SCAPER: variants seen among roughly 807,000 people sequenced by gnomAD.
SCAPER encodes the protein S-phase cyclin A associated protein in the ER, also known as S phase cyclin A-associated protein in the endoplasmic reticulum.
Under a neutral mutation model 182.2 loss-of-function variants are expected in SCAPER, and 98 were observed. The ratio of observed to expected loss-of-function variants is 0.54; its 90% confidence interval spans 0.46 to 0.64. The LOEUF (loss-of-function observed/expected upper bound fraction) is 0.64, where lower values mean the gene tolerates loss of function less well. SCAPER is among the 30% of genes least tolerant of loss of function. The pLI, the probability that SCAPER is intolerant of heterozygous loss-of-function variation, is 0.00. For missense variants in SCAPER, 1,432 were observed against 1,690.0 expected, an observed-to-expected ratio of 0.85 and a Z score of 2.68; for synonymous variants, 605 against 564.6, an observed-to-expected ratio of 1.07 and a Z score of -1.01.
At chr15:76,352,625 G>A (rs2040651939) in intron 30 of SCAPER, among the ~76,000 whole-genome samples, 1 of 151,650 alleles carries the variant, frequency 6.6e-6, no homozygotes, top group Non-Finnish European at 1.5e-5. Flanking sequence ...GGGATTACAG[G>A]TGCCCACAGA....
chr15:76,441,220 C>T (rs1186192851), intron 25 of SCAPER, among the ~76,000 whole-genome samples: 1 of 152,076 alleles, frequency 6.6e-6, no homozygotes, highest in Non-Finnish European at 1.5e-5. Flanking sequence ...CGTGCCCAGC[C>T]TATTCTCCTT....
intron 23 of SCAPER, among the ~76,000 whole-genome samples, chr15:76,549,664 T>C (rs779136849): frequency 1.8e-4 from 27 of 151,978 alleles, no homozygotes; most frequent in Non-Finnish European, 3.7e-4. Context: ...AGTTAATGGG[T>C]GCAGCACACC....
intron 9 of SCAPER, 116 bp from the exon 10 acceptor site, chr15:76,772,070 T>C: frequency 2.8e-6 from 2 of 713,864 alleles, no homozygotes; most frequent in Non-Finnish European, 4.6e-6. Context: ...GGTACTTGAC[T>C]GGATGACAGA....
chr15:76,445,658 G>A (rs1296558172), intron 25 of SCAPER, among the ~76,000 whole-genome samples: 1 of 152,110 alleles, frequency 6.6e-6, no homozygotes, highest in African/African-American at 2.4e-5. Flanking sequence ...TCCACATGAG[G>A]GGATGGGATA....
chr15:76,730,489 T>C (rs1009908987), intron 16 of SCAPER, among the ~76,000 whole-genome samples: 11 of 151,952 alleles, frequency 7.2e-5, no homozygotes, highest in Admixed American at 3.3e-4. Flanking sequence ...AAGAATAATA[T>C]GTGGAAACTT....
chr15:76,820,182 G>A (rs557146452), intron 5 of SCAPER, among the ~76,000 whole-genome samples: 14 of 152,234 alleles, frequency 9.2e-5, no homozygotes, highest in South Asian at 6.2e-4. Flanking sequence ...TCGGTGTGGC[G>A]ATTCCTCAGG....
In SCAPER at chr15:76,364,025, C is replaced by T. The variant is rs147454745; in HGVS notation, c.3856-9885G>A. On this transcript the variant is annotated intron_variant, in intron 29 of 31. Coordinates refer to ENST00000563290, the MANE Select transcript of SCAPER (RefSeq NM_020843.4). ...GCATGCCCCAAACACACACACCTTG[C>T]TTAATCTGATACCTTGGGGTTAGGG... Among the ~76,000 whole-genome samples the T allele has an allele frequency of 8.5e-5, 13 of 152,284 alleles. No individual in the cohort carries two copies. In the East Asian group the frequency reaches 2.3e-3, roughly 27 times the overall value.
At chr15:76,433,281 G>A (rs559010082) in intron 26 of SCAPER, among the ~76,000 whole-genome samples, 1 of 152,304 alleles carries the variant, frequency 6.6e-6, no homozygotes, top group Non-Finnish European at 1.5e-5. Context: ...ATGGAGGCGG[G>A]TGGGTCATTT....
At chr15:76,429,986 G>C (rs1190682968) in intron 26 of SCAPER, among the ~76,000 whole-genome samples, 2 of 152,128 alleles carry the variant, frequency 1.3e-5, no homozygotes, top group African/African-American at 4.8e-5. Flanking sequence ...GCAGTCTAGG[G>C]ACTTGGTACC....
At chr15:76,719,564 T>C (rs1253656520) in intron 17 of SCAPER, among the ~76,000 whole-genome samples, 1 of 152,112 alleles carries the variant, frequency 6.6e-6, no homozygotes, top group African/African-American at 2.4e-5. Flanking sequence ...CTAAAACAAA[T>C]AAAATGGGTA....
At chr15:76,705,489 GTA>G (rs1042928625) in intron 18 of SCAPER, among the ~76,000 whole-genome samples, 5 of 150,954 alleles carry the variant, frequency 3.3e-5, no homozygotes, top group African/African-American at 1.2e-4. Flanking sequence ...CATGGCACAT[GTA>G]TATATATGTA....
intron 22 of SCAPER, among the ~76,000 whole-genome samples, chr15:76,577,255 G>C (rs535490311): frequency 4.6e-5 from 7 of 152,212 alleles, no homozygotes; most frequent in African/African-American, 1.7e-4. Flanking sequence ...AGACCAGCCT[G>C]GGCAACATGG....
In SCAPER at chr15:76,766,992, G is replaced by A. The variant is rs1364964725; in HGVS notation, c.1345C>T (p.Gln449Ter). The A allele has an allele frequency of 6.2e-7, 1 of 1,608,148 alleles. No individual in the cohort carries two copies. The highest frequency in any genetic ancestry group is 8.5e-7 in the Non-Finnish European group (1 of 1,176,882). ...TCAGCTTCAATTTCTCTAGTTAACT[G>A]TTCTTCTTCAGCAATAGCACTAGCA... ...AIASAIAEEE[Q>*]LTREIEAEEN... The change falls in exon 11 of 32, where the codon CAG becomes TAG. Residue 449 changes from glutamine to a stop codon, truncating the protein, a stop_gained. Transcript: ENST00000563290. LOFTEE classifies it high-confidence loss of function.
At chr15:76,746,625 A>G (rs2061806251) in intron 15 of SCAPER, among the ~76,000 whole-genome samples, 1 of 152,382 alleles carries the variant, frequency 6.6e-6, no homozygotes, top group South Asian at 2.1e-4. Context: ...GAAGAATCCA[A>G]AAGAATTCAC....
At chr15:76,562,711 C>T (rs564943254) in intron 23 of SCAPER, among the ~76,000 whole-genome samples, 1 of 152,240 alleles carries the variant, frequency 6.6e-6, no homozygotes, top group South Asian at 2.1e-4. Context: ...AACTATTTAG[C>T]ATTATCAAGA....
intron 31 of SCAPER, chr15:76,349,308 T>A (rs979317737): frequency 1.3e-5 from 2 of 152,224 alleles, no homozygotes; most frequent in African/African-American, 2.4e-5. Flanking sequence ...ATGATGACGT[T>A]TTCTGAAAGT....
At chr15:76,477,739 G>A (rs1223106538) in intron 24 of SCAPER, among the ~76,000 whole-genome samples, 1 of 152,032 alleles carries the variant, frequency 6.6e-6, no homozygotes, top group Non-Finnish European at 1.5e-5. Flanking sequence ...TTGATTATCA[G>A]TATGATTAGA....
At chr15:76,374,613 C>A (rs1308736979) in intron 29 of SCAPER, among the ~76,000 whole-genome samples, 1 of 151,296 alleles carries the variant, frequency 6.6e-6, no homozygotes, top group Non-Finnish European at 1.5e-5. Context: ...TCCCGAGTAG[C>A]TGGGATTACA....
intron 22 of SCAPER, among the ~76,000 whole-genome samples, chr15:76,615,664 C>A (rs1055398236): frequency 2.0e-5 from 3 of 150,494 alleles, no homozygotes; most frequent in Admixed American, 6.6e-5. Flanking sequence ...ACTAAAAATA[C>A]AAAAAACTAG....
Sources: gnomAD v4.1 joint callset for allele counts (sites outside exome capture counted in the v4.1 genomes callset) on GRCh38, gnomAD v4.1.1 for gene constraint, MANE v1.5 for transcripts, NCBI Gene and HGNC (gene_info 2026-07-23, HGNC 2026-07-21) for gene names.